Variants in SETBP1 observed in about 807,000 individuals in gnomAD.
SETBP1 encodes the protein SET binding protein 1.
SETBP1 carries 9 observed loss-of-function variants against 101.0 expected under a neutral mutation model. The ratio of observed to expected loss-of-function variants is 0.09; its 90% CI spans 0.05 to 0.16. The LOEUF (loss-of-function observed/expected upper bound fraction) is 0.16, where lower values mean the gene tolerates loss of function less well. Among genes scored for constraint, SETBP1 ranks in the 10% least tolerant of loss-of-function variants. The pLI, the probability that SETBP1 is intolerant of heterozygous loss-of-function variation, is 1.00. For missense variants in SETBP1, 1,858 were observed against 2,033.8 expected (o/e 0.91, Z 1.66); for synonymous variants, 818 against 788.5 (o/e 1.04, Z -0.63).
intron 2 of SETBP1, among the ~76,000 whole-genome samples, chr18:44,768,158 T>C (rs943462900): frequency 2.6e-5 from 4 of 152,192 alleles, no homozygotes; most frequent in African/African-American, 9.7e-5. Flanking sequence ...TGGTGGTCTT[T>C]AAGGTGTGAT....
chr18:44,806,330 G>A (rs928622571), intron 2 of SETBP1, among the ~76,000 whole-genome samples: 1 of 152,112 alleles, frequency 6.6e-6, no homozygotes, highest in African/African-American at 2.4e-5. Flanking sequence ...AGCAGGAGTG[G>A]TCACAAGACC....
chr18:45,034,288 C>G (rs1483055270), intron 4 of SETBP1, among the ~76,000 whole-genome samples: 1 of 152,284 alleles, frequency 6.6e-6, no homozygotes, highest in Non-Finnish European at 1.5e-5. Flanking sequence ...ATAACCTGGC[C>G]GCTAGATGCA....
intron 3 of SETBP1, among the ~76,000 whole-genome samples, chr18:44,916,801 T>C (rs1425060163): frequency 6.6e-6 from 1 of 152,256 alleles, no homozygotes; most frequent in African/African-American, 2.4e-5. Flanking sequence ...TGCTACATTG[T>C]CTTCAAGTAT....
At chr18:44,971,759 G>A (rs1349604656) in intron 4 of SETBP1, among the ~76,000 whole-genome samples, 1 of 152,188 alleles carries the variant, frequency 6.6e-6, no homozygotes, top group East Asian at 1.9e-4. Context: ...TGAGTTCATT[G>A]TAGATTCTGG....
In SETBP1 at chr18:44,869,183, T is replaced by C. The variant is rs778327495; in HGVS notation, c.487-47T>C. The C allele has an allele frequency of 5.1e-6, 8 of 1,565,358 alleles. No individual in the cohort carries two copies. In the African/African-American group the frequency reaches 6.8e-5, roughly 13 times the overall value. ...GGTCAGTTGTCGTGGGGATACTGTA[T>C]GCAAACTGAAAAGTGTCACTGAGAA... On this transcript the variant is annotated intron_variant, in intron 2 of 5. Transcript: ENST00000649279.
chr18:44,826,919 T>C (rs1039164185), intron 2 of SETBP1, among the ~76,000 whole-genome samples: 2 of 152,162 alleles, frequency 1.3e-5, no homozygotes, highest in Non-Finnish European at 2.9e-5. Context: ...ATAGCTGCTT[T>C]GGGCCCACAA....
intron 5 of SETBP1, among the ~76,000 whole-genome samples, chr18:45,060,393 C>T (rs1466977127): frequency 1.3e-5 from 2 of 152,092 alleles, no homozygotes; most frequent in Non-Finnish European, 2.9e-5. Flanking sequence ...TACATCATTA[C>T]CAATACTAGG....
chr18:44,913,278 G>A (rs900755161), intron 3 of SETBP1, among the ~76,000 whole-genome samples: 1 of 152,168 alleles, frequency 6.6e-6, no homozygotes, highest in Non-Finnish European at 1.5e-5. Flanking sequence ...GAAGTACAGG[G>A]GCAAGCATGT....
chr18:44,877,399 AAG>A (rs1258073359), intron 3 of SETBP1: 1 of 980,296 alleles, frequency 1.0e-6, no homozygotes, highest in Non-Finnish European at 1.2e-6. Flanking sequence ...GTTTTAATAA[AAG>A]AGTAGGATTT....
In SETBP1 at chr18:45,000,793, AACACACAC is replaced by A. The variant is rs113870439; in HGVS notation, c.4001-37667_4001-37660del. Among the ~76,000 whole-genome samples, 7 of 146,802 alleles carry A rather than the reference AACACACAC, an allele frequency of 4.8e-5. No individual in the cohort carries two copies. In the South Asian group the frequency reaches 6.7e-4, roughly 14 times the overall value. On this transcript the variant is annotated intron_variant, in intron 4 of 5. Transcript: ENST00000649279. ...GCCATACATCAACGGGAATGCACAC[AACACACAC>A]ACACACACACACACACACACACACT...
At chr18:44,792,928 G>A (rs2071398003) in intron 2 of SETBP1, among the ~76,000 whole-genome samples, 1 of 152,130 alleles carries the variant, frequency 6.6e-6, no homozygotes, top group African/African-American at 2.4e-5. Flanking sequence ...CTGACTGCTT[G>A]TTATATTTAG....
In SETBP1 at chr18:44,939,913, TG is replaced by T. The variant is rs1248142243; in HGVS notation, c.541-9967del. Among the ~76,000 whole-genome samples, 3 of 152,206 alleles carry T rather than the reference TG, an allele frequency of 2.0e-5. No individual in the cohort carries two copies. The East Asian group carries it at 5.8e-4, about 29-fold the overall frequency. On this transcript the variant is annotated intron_variant, in intron 3 of 5. Transcript: ENST00000649279. ...AGTTGTTGGGTGAGGGTAAGTTGGT[TG>T]ATAGTACAGATGAAACCTCTGGTGG...
At chr18:44,883,977 C>G (rs1290692754) in intron 3 of SETBP1, among the ~76,000 whole-genome samples, 1 of 152,100 alleles carries the variant, frequency 6.6e-6, no homozygotes, top group Non-Finnish European at 1.5e-5. Flanking sequence ...TAATTGCTCC[C>G]CAAAGGAAAA....
At chr18:44,967,106 T>C (rs563669290) in intron 4 of SETBP1, among the ~76,000 whole-genome samples, 1 of 152,316 alleles carries the variant, frequency 6.6e-6, no homozygotes, top group East Asian at 1.9e-4. Context: ...TGAAGTTAAA[T>C]CCAACTCTGA....
At chr18:44,709,597 T>A (rs1360609127) in intron 2 of SETBP1, among the ~76,000 whole-genome samples, 3 of 152,232 alleles carry the variant, frequency 2.0e-5, no homozygotes, top group African/African-American at 7.2e-5. Context: ...CTTTGCTTAG[T>A]ATGTCCTGCT....
intron 3 of SETBP1, among the ~76,000 whole-genome samples, chr18:44,944,962 C>T (rs1303861415): frequency 2.0e-5 from 3 of 151,988 alleles, no homozygotes; most frequent in Non-Finnish European, 4.4e-5. Flanking sequence ...CTAAAAAGTG[C>T]TTTTTAAAAA....
Position 45,068,498 on chromosome 18 carries a change from C to T in SETBP1, c.*4800C>T, listed in dbSNP as rs749838662. 6.6e-6 allele frequency: 1 copy of T among 152,008 alleles called. No individual in the cohort carries two copies. Among genetic ancestry groups the T allele is most frequent in the Non-Finnish European group, 1.5e-5 (1 of 68,002 alleles). 9.4% of individuals were successfully genotyped at this position (152,008 alleles called of 1,614,324 possible). ...TTCATTGTGTGAAATTAAAGACATT[C>T]AATTCAGTCTAACATGAGTTGTGAA... On this transcript the variant is annotated 3_prime_UTR_variant, in exon 6 of 6. Coordinates refer to ENST00000649279, the MANE Select transcript of SETBP1 (RefSeq NM_015559.3).
chr18:44,730,526 T>C (rs1478386743), intron 2 of SETBP1, among the ~76,000 whole-genome samples: 1 of 152,216 alleles, frequency 6.6e-6, no homozygotes. Context: ...TCCAGCCTCT[T>C]TTTTCAGGAA....
At chr18:44,994,627 T>C (rs1302681216) in intron 4 of SETBP1, among the ~76,000 whole-genome samples, 1 of 152,192 alleles carries the variant, frequency 6.6e-6, no homozygotes, top group Non-Finnish European at 1.5e-5. Context: ...AGCTGAACAC[T>C]GGACACAACT....
Sources: gnomAD v4.1 joint callset for allele counts (sites outside exome capture counted in the v4.1 genomes callset) on GRCh38, gnomAD v4.1.1 for gene constraint, MANE v1.5 for transcripts, NCBI Gene and HGNC (gene_info 2026-07-23, HGNC 2026-07-21) for gene names.